Variants in SYT16 observed in about 807,000 individuals in gnomAD.
The protein encoded by SYT16 is synaptotagmin-16.
In SYT16, 42 loss-of-function variants were observed where a neutral mutation model predicts 61.4. That is an observed-to-expected ratio of 0.68 (90% CI 0.53 to 0.89). The LOEUF is 0.89. Ranked by LOEUF, SYT16 falls within the 40% of genes least tolerant of loss-of-function variation. The pLI is 0.00. For missense variants in SYT16, 804 were observed against 807.3 expected (o/e 1.00, Z 0.05); for synonymous variants, 314 against 302.3 (o/e 1.04, Z -0.40).
chr14:61,863,830 T>C (rs1277205005), intron 1 of SYT16, among the ~76,000 whole-genome samples: 2 of 152,150 alleles, frequency 1.3e-5, no homozygotes, highest in African/African-American at 4.8e-5. Flanking sequence ...TTTTTGCATA[T>C]CAATGCCCAG....
intron 1 of SYT16, among the ~76,000 whole-genome samples, chr14:61,959,254 A>C (rs1263788996): frequency 6.6e-6 from 1 of 152,142 alleles, no homozygotes; most frequent in Non-Finnish European, 1.5e-5. Flanking sequence ...ACTTATGTTT[A>C]ATGGAATTAT....
intron 1 of SYT16, among the ~76,000 whole-genome samples, chr14:61,964,132 C>T (rs2051216107): frequency 6.6e-6 from 1 of 152,156 alleles, no homozygotes; most frequent in African/African-American, 2.4e-5. Flanking sequence ...ATCCACTCTG[C>T]AGCCAATGGG....
chr14:61,821,125 C>T (rs1054056932), intron 1 of SYT16, among the ~76,000 whole-genome samples: 9 of 151,084 alleles, frequency 6.0e-5, no homozygotes, highest in Admixed American at 4.0e-4. Context: ...GAGCCCTCAG[C>T]CGCTGGGCTG....
rs751501020 is a variant in SYT16, at chr14:62,100,656, G to A, written c.1887G>A (p.Lys629=). 19 of 1,613,712 alleles carry A rather than the reference G, an allele frequency of 1.2e-5. No homozygotes were observed. The South Asian group carries it at 2.0e-4, about 17-fold the overall frequency. ...EEEQDHWEEM[K]ETKGQQICRW... is the part of the protein sequence containing the mutation. ...AACAAGATCACTGGGAGGAGATGAA[G>A]GAAACCAAAGGCCAGCAGATCTGCA... The change falls in exon 8 of 8, where the codon AAG becomes AAA. Residue 629 remains lysine (K), a synonymous_variant. Transcript: ENST00000683842.
At chr14:61,904,201 A>G (rs1379582219) in intron 1 of SYT16, among the ~76,000 whole-genome samples, 1 of 152,162 alleles carries the variant, frequency 6.6e-6, no homozygotes, top group Non-Finnish European at 1.5e-5. Flanking sequence ...GGAGTTTTGA[A>G]TGCCCTCCAT....
At chr14:62,029,545 A>G (rs2054231265) in intron 3 of SYT16, among the ~76,000 whole-genome samples, 1 of 152,146 alleles carries the variant, frequency 6.6e-6, no homozygotes, top group South Asian at 2.1e-4. Context: ...TCCTTTCGGG[A>G]GTTCTATTCC....
chr14:61,813,892 T>A (rs987491044), intron 1 of SYT16, among the ~76,000 whole-genome samples: 2 of 152,090 alleles, frequency 1.3e-5, no homozygotes, highest in African/African-American at 4.8e-5. Flanking sequence ...ATTATTTTTC[T>A]TGTAAACAAT....
At chr14:61,896,483 A>G (rs188275081) in intron 1 of SYT16, among the ~76,000 whole-genome samples, 55 of 152,344 alleles carry the variant, frequency 3.6e-4, no homozygotes, top group South Asian at 2.1e-3. Flanking sequence ...AGGCTCAAGT[A>G]TATTGTCAAC....
chr14:61,879,361 A>G lies in SYT16; in HGVS notation c.-325+66551A>G, dbSNP rs954869605. Among the ~76,000 whole-genome samples, 3 of 152,226 alleles carry G rather than the reference A, an allele frequency of 2.0e-5. No individual in the cohort carries two copies. The East Asian group carries it at 5.8e-4, about 29-fold the overall frequency. On this transcript the variant is annotated intron_variant, in intron 1 of 7. Coordinates refer to ENST00000683842, the MANE Select transcript of SYT16 (RefSeq NM_001367656.1). Reference sequence around the variant, plus strand: ...AGAAGTAAGGATGCCCTTTCAGCCAAGGGTGCTTGTCATACTTTCATCTCT... The same window carrying G: ...AGAAGTAAGGATGCCCTTTCAGCCAGGGGTGCTTGTCATACTTTCATCTCT...
intron 1 of SYT16, among the ~76,000 whole-genome samples, chr14:61,882,333 C>T (rs72716796): frequency 0.042 from 6,346 of 152,234 alleles, 232 homozygotes; most frequent in Non-Finnish European, 0.065. Flanking sequence ...CTGTATTAGT[C>T]TGTTCTTACA....
intron 7 of SYT16, 114 bp downstream of exon 7, chr14:62,084,499 T>A: frequency 8.4e-7 from 1 of 1,187,332 alleles, no homozygotes; most frequent in Non-Finnish European, 1.2e-6. Context: ...TATTATGGCT[T>A]AAGCAAGCTT....
At chr14:62,067,824 C>CAAAT (rs1227131273) in intron 3 of SYT16, among the ~76,000 whole-genome samples, 4 of 140,990 alleles carry the variant, frequency 2.8e-5, no homozygotes. Context: ...AACAAACAAA[C>CAAAT]AAATAAATAA....
chr14:61,869,340 T>C (rs1026989863), intron 1 of SYT16, among the ~76,000 whole-genome samples: 15 of 152,120 alleles, frequency 9.9e-5, no homozygotes, highest in African/African-American at 3.4e-4. Context: ...CTTTTTGCTT[T>C]GTTTCTACCT....
intron 3 of SYT16, among the ~76,000 whole-genome samples, chr14:62,045,901 C>T (rs1427271189): frequency 7.9e-5 from 12 of 152,038 alleles, no homozygotes; most frequent in South Asian, 2.1e-4. Context: ...TGAATAGTGC[C>T]GCAATAAACA....
chr14:62,069,904 T>G (rs1424834419), intron 4 of SYT16, 89 bp downstream of exon 4: 10 of 1,406,032 alleles, frequency 7.1e-6, no homozygotes, highest in Non-Finnish European at 8.8e-6. Flanking sequence ...ACTCTGCATC[T>G]GAGAGTCCAG....
At chr14:61,915,311 T>A (rs972069158) in intron 1 of SYT16, among the ~76,000 whole-genome samples, 5 of 151,976 alleles carry the variant, frequency 3.3e-5, no homozygotes, top group Non-Finnish European at 5.9e-5. Flanking sequence ...GAAGATTGAA[T>A]TTTTTTTAAA....
chr14:61,923,480 C>A lies in SYT16; in HGVS notation c.-324-46652C>A, dbSNP rs546747743. 3.2e-4 allele frequency among the ~76,000 whole-genome samples: 49 copies of A among 152,204 alleles called. No homozygotes were observed. The South Asian group carries it at 3.3e-3, about 10-fold the overall frequency. ...AGAATCAAGCAACCATTCCAGGAAC[C>A]CCAAACCTCTCTTCCCCAAATCTCT... On this transcript the variant is annotated intron_variant, in intron 1 of 7. Transcript: ENST00000683842.
At position 62,106,114 on chromosome 14, in the gene SYT16, T is replaced by C. The variant is rs1176682208; in HGVS notation, c.*5407T>C. ...CCTCTAAATCAAGTCTGGAGAATTA[T>C]GTGAAGGTTGTTTCTCATTAATTCA... On this transcript the variant is annotated 3_prime_UTR_variant, in exon 8 of 8. Coordinates refer to ENST00000683842, the MANE Select transcript of SYT16 (RefSeq NM_001367656.1). The C allele has an allele frequency of 6.6e-6, 1 of 152,214 alleles. No homozygotes were observed. Among genetic ancestry groups the C allele is most frequent in the African/African-American group, 2.4e-5 (1 of 41,450 alleles). 9.4% of individuals were successfully genotyped at this position (152,214 alleles called of 1,614,324 possible).
At chr14:61,835,493 C>G (rs2046098691) in intron 1 of SYT16, among the ~76,000 whole-genome samples, 1 of 151,588 alleles carries the variant, frequency 6.6e-6, no homozygotes, top group African/African-American at 2.4e-5. Flanking sequence ...CTCCCGACCT[C>G]TTGATCTGCC....
Sources: allele counts gnomAD v4.1 joint callset (sites outside exome capture counted in the v4.1 genomes callset), GRCh38; gene constraint gnomAD v4.1.1; transcripts MANE v1.5; gene names NCBI Gene and HGNC (gene_info 2026-07-23, HGNC 2026-07-21).